Variants in HELZ2 observed in about 807,000 individuals in gnomAD.
The protein encoded by HELZ2 is 3'-5' exoribonuclease HELZ2.
A neutral mutation model predicts 208.8 loss-of-function variants in HELZ2; 143 were observed. That is an observed-to-expected ratio of 0.68 (90% CI 0.60 to 0.79). The LOEUF is 0.79. Among genes scored for constraint, HELZ2 ranks in the 30% least tolerant of loss-of-function variants. The probability of loss-of-function intolerance (pLI) is 0.00; values close to 1 mark genes in which losing one functional copy is unlikely to be tolerated. For synonymous variants in HELZ2, 1,705 were observed against 1,693.7 expected (o/e 1.01, Z -0.16); for missense variants, 3,690 against 3,794.5 (o/e 0.97, Z 0.72).
Position 63,562,945 on chromosome 20 carries a change from G to A in HELZ2, c.5877C>T (p.Ala1959=), listed in dbSNP as rs143139621. ...GCTGAAGTGTGACGGAGTCATTCTCGGCAACCGCGCCGGTGGCCGACTCCA... is the reference window on the plus strand; with the variant it reads ...GCTGAAGTGTGACGGAGTCATTCTCAGCAACCGCGCCGGTGGCCGACTCCA... Residue 1959 remains alanine, a synonymous_variant, in exon 8 of 19, where the codon GCC becomes GCT. Transcript: ENST00000467148. The A allele has an allele frequency of 1.9e-4, 306 of 1,590,716 alleles. 3 individuals are homozygous for A. Among genetic ancestry groups the A allele is most frequent in the East Asian group, 1.8e-3 (78 of 43,796 alleles).
chr20:63,565,743 C>T (rs767864377), exon 8 of HELZ2: 1 of 1,603,048 alleles, frequency 6.2e-7, no homozygotes, highest in Non-Finnish European at 8.5e-7. Flanking sequence ...ACTGCGTCTC[C>T]TGCTGGTGCT....
At chr20:63,572,304 G>T in exon 1 of HELZ2, 1 of 1,586,178 alleles carries the variant, frequency 6.3e-7, no homozygotes, top group East Asian at 2.3e-5. Flanking sequence ...GGGGCCGTGC[G>T]CCCGTCGCCA....
exon 12 of HELZ2, chr20:63,561,736 A>T: frequency 6.2e-7 from 1 of 1,602,676 alleles, no homozygotes. Flanking sequence ...CATCCTTCTC[A>T]GGAGCAGTCC....
At chr20:63,570,115 ATT>A (rs56804055) in intron 3 of HELZ2, 4,790 of 284,162 alleles carry the variant, frequency 0.017, 8 homozygotes, top group African/African-American at 0.027. Flanking sequence ...TGCCTGGCTA[ATT>A]TTTTTTTTTT....
exon 8 of HELZ2, chr20:63,563,062 T>C: frequency 6.3e-7 from 1 of 1,598,460 alleles, no homozygotes. Context: ...AGAAGCAGTC[T>C]CCGGGCCGCT....
chr20:63,572,109 T>C (rs1220250594), exon 1 of HELZ2: 2 of 1,607,388 alleles, frequency 1.2e-6, no homozygotes, highest in African/African-American at 2.7e-5. Context: ...TATCCTTACT[T>C]TGGGCAGAGC....
Position 63,563,868 on chromosome 20 carries a change from G to C in HELZ2, c.4954C>G (p.Arg1652Gly), listed in dbSNP as rs370806860. ...TGGCCGCCCTGCTGCTGGTGGCCCC[G>C]GGCGCAGCGGCCGAACGCCGAGCGC... The change falls in exon 8 of 19, where the codon CGG (arginine) becomes GGG (glycine). Residue 1652 changes from arginine to glycine, a missense_variant. Arg to Gly is a moderately radical substitution (Grantham distance 125). Transcript: ENST00000467148. The C allele has an allele frequency of 1.0e-5, 16 of 1,595,700 alleles. No individual in the cohort carries two copies. The Admixed American group carries it at 1.4e-4, about 14-fold the overall frequency.
chr20:63,566,978 A>G, exon 6 of HELZ2: 1 of 1,611,602 alleles, frequency 6.2e-7, no homozygotes, highest in Non-Finnish European at 8.5e-7. Context: ...GACGCCATGG[A>G]CATGTCCCGG....
chr20:63,564,981 C>T (rs1173292297), exon 8 of HELZ2: 2 of 1,602,956 alleles, frequency 1.2e-6, no homozygotes, highest in African/African-American at 1.3e-5. Flanking sequence ...CGGACGATGC[C>T]CAGCGGGTAG....
At chr20:63,561,689 C>T in exon 12 of HELZ2, 1 of 1,612,442 alleles carries the variant, frequency 6.2e-7, no homozygotes, top group Non-Finnish European at 8.5e-7. Flanking sequence ...TCGCTGGCCT[C>T]AGCCTGCTCA....
rs1417632072 is a variant in HELZ2, at chr20:63,572,097, A to T, written c.278+11T>A. On this transcript the variant is annotated intron_variant, in intron 1 of 18. Coordinates refer to ENST00000467148, the Ensembl canonical transcript of HELZ2. Reference sequence around the variant, plus strand: ...TGCCCTACTCCAAGCTCCTGCCTCGAGTATCCTTACTTTGGGCAGAGCTCG... The same window carrying T: ...TGCCCTACTCCAAGCTCCTGCCTCGTGTATCCTTACTTTGGGCAGAGCTCG... 1.9e-6 allele frequency: 3 copies of T among 1,601,008 alleles called. No homozygotes were observed. Among genetic ancestry groups the T allele is most frequent in the Admixed American group, 1.7e-5 (1 of 58,838 alleles).
chr20:63,572,255 G>A, exon 1 of HELZ2: 2 of 1,587,558 alleles, frequency 1.3e-6, no homozygotes, highest in African/African-American at 1.3e-5. Context: ...GACCAAGCAG[G>A]CCGGGCAGTA....
intron 3 of HELZ2, 111 bp downstream of exon 4, chr20:63,570,393 C>T (rs1174571501): frequency 9.4e-6 from 8 of 848,906 alleles, no homozygotes; most frequent in Middle Eastern, 2.1e-4. Flanking sequence ...AGGTGCTGAG[C>T]GGCAGTGCCT....
At chr20:63,559,400 G>A (rs2146003121) in intron 18 of HELZ2, 30 bp from the exon 20 acceptor site, 1 of 1,529,156 alleles carries the variant, frequency 6.5e-7, no homozygotes, top group South Asian at 1.2e-5. Context: ...ATGGGAGTCA[G>A]TCAGGGTCAG....
chr20:63,569,133 T>C lies in HELZ2; in HGVS notation c.1088+15A>G, dbSNP rs200896785. 1.6e-4 allele frequency: 257 copies of C among 1,569,424 alleles called. 1 individual carries two copies. The South Asian group carries it at 1.7e-3, about 10-fold the overall frequency. On this transcript the variant is annotated intron_variant, in intron 4 of 18. Transcript: ENST00000467148. ...GCTCCTGCTACCCCAGCTGCTCCTG[T>C]TGCCCCCAGCTCACTTGGCCACCAG...
chr20:63,569,444 T>C (rs1469877932), exon 4 of HELZ2: 2 of 1,609,264 alleles, frequency 1.2e-6, no homozygotes, highest in East Asian at 2.2e-5. Context: ...CCAGCTTTTG[T>C]AGCAGCACCG....
exon 8 of HELZ2, chr20:63,565,702 C>T (rs576137225): frequency 2.0e-5 from 32 of 1,608,018 alleles, no homozygotes; most frequent in South Asian, 6.6e-5. Context: ...CCGCTCCTGC[C>T]GCACAGGCCC....
exon 8 of HELZ2, chr20:63,563,863 G>A (rs2082917348): frequency 6.3e-7 from 1 of 1,595,632 alleles, no homozygotes; most frequent in Non-Finnish European, 8.5e-7. Context: ...GCTGCTGGTG[G>A]CCCCGGGCGC....
intron 5 of HELZ2, 58 bp downstream of exon 6, chr20:63,568,300 C>G: frequency 7.6e-7 from 1 of 1,319,396 alleles, no homozygotes; most frequent in Non-Finnish European, 1.1e-6. Context: ...ACCGCCTGCC[C>G]GGTGTAGACT....
Sources: allele counts gnomAD v4.1 joint callset, GRCh38; gene constraint gnomAD v4.1.1; transcripts MANE v1.5; gene names NCBI Gene and HGNC (gene_info 2026-07-23, HGNC 2026-07-21).